Variants in RBFOX1 observed in about 807,000 individuals in gnomAD.
RBFOX1 encodes the protein RNA binding fox-1 homolog 1, also known as RNA binding protein fox-1 homolog 1.
RBFOX1 carries 8 observed loss-of-function variants against 57.7 expected under a neutral mutation model. That is an observed-to-expected ratio of 0.14 (90% CI 0.08 to 0.25). RBFOX1 has a LOEUF of 0.25. RBFOX1 is among the 10% of genes least tolerant of loss of function. RBFOX1 has a pLI of 1.00. For missense variants in RBFOX1, 611 were observed against 548.5 expected (o/e 1.11, Z -1.14); for synonymous variants, 326 against 222.4 (o/e 1.47, Z -4.15).
intron 4 of RBFOX1, among the ~76,000 whole-genome samples, chr16:7,250,202 C>G (rs894294547): frequency 2.0e-5 from 3 of 152,044 alleles, no homozygotes; most frequent in African/African-American, 7.3e-5. Flanking sequence ...TGTGGTGTTT[C>G]TAAATGGTAT....
intron 1 of RBFOX1, among the ~76,000 whole-genome samples, chr16:6,113,160 T>C (rs1435057868): frequency 6.6e-6 from 1 of 152,208 alleles, no homozygotes; most frequent in Non-Finnish European, 1.5e-5. Flanking sequence ...TGAGTTCACA[T>C]CTGCCCTGGT....
chr16:6,189,562 C>T (rs2097129181), intron 1 of RBFOX1, among the ~76,000 whole-genome samples: 2 of 152,164 alleles, frequency 1.3e-5, no homozygotes, highest in South Asian at 2.1e-4. Context: ...ACCACAGGGA[C>T]GTGGCTGTCC....
chr16:7,058,937 A>C (rs2053379623), intron 4 of RBFOX1, among the ~76,000 whole-genome samples: 1 of 152,196 alleles, frequency 6.6e-6, no homozygotes, highest in Non-Finnish European at 1.5e-5. Flanking sequence ...CAAATGACTG[A>C]GTTTTTTAGA....
In RBFOX1 at chr16:7,062,084, G is replaced by C. The variant is rs569227261; in HGVS notation, c.27+9986G>C. Among the ~76,000 whole-genome samples, 5 of 152,162 alleles carry C rather than the reference G, an allele frequency of 3.3e-5. No individual in the cohort carries two copies. In the South Asian group the frequency reaches 1.0e-3, roughly 32 times the overall value. On this transcript the variant is annotated intron_variant, in intron 4 of 15. Coordinates refer to ENST00000550418, the MANE Select transcript of RBFOX1 (RefSeq NM_018723.4). ...TGTAATCCCAGCACTTTGGGAGGCT[G>C]AGGTGGGCTGATCAGCAGGTCAGGA...
At chr16:6,654,560 C>G (rs963356883) in intron 2 of RBFOX1, 43 bp from the exon 3 acceptor site, 33 of 1,445,760 alleles carry the variant, frequency 2.3e-5, no homozygotes, top group Non-Finnish European at 3.0e-5. Context: ...AAGTCTGACT[C>G]CTGTTCTTTC....
chr16:5,583,853 C>G (rs2046751033), intron 2 of RBFOX1, among the ~76,000 whole-genome samples: 2 of 152,176 alleles, frequency 1.3e-5, no homozygotes, highest in African/African-American at 4.8e-5. Context: ...ATCTTCAATG[C>G]TGGGCTGCCC....
In RBFOX1 at chr16:5,644,336, C is replaced by A. The variant is rs148853098; in HGVS notation, c.318+45375C>A. Among the ~76,000 whole-genome samples, 8 of 152,222 alleles carry A rather than the reference C, an allele frequency of 5.3e-5. No individual in the cohort carries two copies. In the East Asian group the frequency reaches 1.3e-3, roughly 26 times the overall value. Reference sequence around the variant, plus strand: ...TGGTGCCAGAGATCCTTGATAAGGGCATAGTAACAGCACCCTGAATGTGGA... The same window carrying A: ...TGGTGCCAGAGATCCTTGATAAGGGAATAGTAACAGCACCCTGAATGTGGA... On this transcript the variant is annotated intron_variant, in intron 3 of 19. Transcript: ENST00000641259.
At chr16:5,993,281 G>A (rs1477794931) in intron 4 of RBFOX1, among the ~76,000 whole-genome samples, 1 of 151,670 alleles carries the variant, frequency 6.6e-6, no homozygotes, top group Non-Finnish European at 1.5e-5. Context: ...TTTGTAGCAT[G>A]TATGTGAAAA....
At chr16:7,310,937 A>G (rs565575759) in intron 4 of RBFOX1, among the ~76,000 whole-genome samples, 5 of 152,200 alleles carry the variant, frequency 3.3e-5, no homozygotes, top group South Asian at 4.1e-4. Flanking sequence ...CCATGCATGC[A>G]GTACAACGCT....
intron 3 of RBFOX1, among the ~76,000 whole-genome samples, chr16:6,699,607 C>T (rs991210341): frequency 5.3e-5 from 8 of 152,146 alleles, no homozygotes; most frequent in East Asian, 1.9e-4. Flanking sequence ...TTAAACTGTA[C>T]GACGGGAAGA....
chr16:7,308,765 G>C (rs983631385), intron 4 of RBFOX1, among the ~76,000 whole-genome samples: 3 of 152,192 alleles, frequency 2.0e-5, no homozygotes, highest in East Asian at 1.9e-4. Flanking sequence ...ATGGGCTCTC[G>C]CGCGAAGGCT....
chr16:5,705,673 G>C (rs1271697736), intron 3 of RBFOX1, among the ~76,000 whole-genome samples: 1 of 152,210 alleles, frequency 6.6e-6, no homozygotes, highest in Non-Finnish European at 1.5e-5. Flanking sequence ...GAGAGAAAGA[G>C]ATGAGACCTG....
chr16:7,503,714 A>G (rs969304302), intron 4 of RBFOX1, among the ~76,000 whole-genome samples: 2 of 152,226 alleles, frequency 1.3e-5, no homozygotes, highest in African/African-American at 2.4e-5. Flanking sequence ...GAGAATCCCT[A>G]TTGAATTAAA....
rs966299491 is a variant in RBFOX1, at chr16:6,775,254, C to T, written c.-16+120604C>T. Among the ~76,000 whole-genome samples the T allele has an allele frequency of 7.0e-5, 10 of 142,938 alleles. No homozygotes were observed. In the South Asian group the frequency reaches 2.0e-3, roughly 29 times the overall value. 93.8% of individuals were successfully genotyped at this position (142,938 alleles called of 152,430 possible). A position where few individuals can be genotyped will look rare whatever the true frequency, so the allele number is the denominator to read the frequency against. ...GGGAGGCAGGAGAAAGGCGTGAAACCGGGAGGCCGAGCTTGCAGTGAGCTG... is the reference window on the plus strand; with the variant it reads ...GGGAGGCAGGAGAAAGGCGTGAAACTGGGAGGCCGAGCTTGCAGTGAGCTG... On this transcript the variant is annotated intron_variant, in intron 3 of 15. Coordinates refer to ENST00000550418, the MANE Select transcript of RBFOX1 (RefSeq NM_018723.4).
At position 5,944,174 on chromosome 16, in the gene RBFOX1, C is replaced by G. The variant is rs939811006; in HGVS notation, c.351+76839C>G. 3.3e-5 allele frequency among the ~76,000 whole-genome samples: 5 copies of G among 152,314 alleles called. No homozygotes were observed. The East Asian group carries it at 9.7e-4, about 29-fold the overall frequency. On this transcript the variant is annotated intron_variant, in intron 4 of 19. Coordinates refer to the RBFOX1 transcript ENST00000641259. Reference sequence around the variant, plus strand: ...TACAAGATGGCCATTGATCTAATGACCTCAACGATGTGTGAACAATGATAA... The same window carrying G: ...TACAAGATGGCCATTGATCTAATGAGCTCAACGATGTGTGAACAATGATAA...
chr16:5,437,815 C>G (rs1483266114), intron 1 of RBFOX1, among the ~76,000 whole-genome samples: 1 of 152,120 alleles, frequency 6.6e-6, no homozygotes, highest in Admixed American at 6.6e-5. Flanking sequence ...CTTTAATGAG[C>G]ATGGTCTTCT....
intron 3 of RBFOX1, among the ~76,000 whole-genome samples, chr16:6,994,798 A>G (rs1228454254): frequency 6.6e-6 from 1 of 152,190 alleles, no homozygotes; most frequent in Non-Finnish European, 1.5e-5. Context: ...ACCAAATTGC[A>G]TGGAAACGAT....
chr16:5,780,702 C>G (rs942600220), intron 3 of RBFOX1, among the ~76,000 whole-genome samples: 1 of 152,154 alleles, frequency 6.6e-6, no homozygotes, highest in African/African-American at 2.4e-5. Context: ...GCTCAAAAGG[C>G]CACTCAGCTT....
At chr16:6,370,942 G>A (rs1033610249) in intron 2 of RBFOX1, among the ~76,000 whole-genome samples, 1 of 152,166 alleles carries the variant, frequency 6.6e-6, no homozygotes, top group African/African-American at 2.4e-5. Context: ...TATTTACTTT[G>A]TGGATGACCC....
Sources: allele counts gnomAD v4.1 joint callset (sites outside exome capture counted in the v4.1 genomes callset), GRCh38; gene constraint gnomAD v4.1.1; transcripts MANE v1.5; gene names NCBI Gene and HGNC (gene_info 2026-07-23, HGNC 2026-07-21).